NEGR1: variants seen among roughly 807,000 people sequenced by gnomAD.
The protein encoded by NEGR1 is IgLON family member 4.
A neutral mutation model predicts 40.9 loss-of-function variants in NEGR1; 10 were observed. That is an observed-to-expected ratio of 0.24 (90% confidence interval 0.15 to 0.42). NEGR1 has a LOEUF of 0.42. NEGR1 is among the 10% of genes least tolerant of loss of function. The pLI is 1.00. For missense variants in NEGR1, 352 were observed against 438.9 expected (o/e 0.80, Z 1.77); for synonymous variants, 185 against 166.8 (o/e 1.11, Z -0.84).
At chr1:71,442,226 CTTTTTTTTTTTTT>C (rs35594326) in intron 6 of NEGR1, among the ~76,000 whole-genome samples, 10 of 84,984 alleles carry the variant, frequency 1.2e-4, no homozygotes, top group Non-Finnish European at 2.0e-4. Context: ...GGTAGCATTC[CTTTTTTTTTTTTT>C]TTTTTTTTTT....
At position 72,040,220 on chromosome 1, in the gene NEGR1, G is replaced by A. The variant is rs2821280; in HGVS notation, c.177-104909C>T. Among the ~76,000 whole-genome samples the A allele has an allele frequency of 5.2e-3, 793 of 151,810 alleles. 5 individuals carry two copies. In the Middle Eastern group the frequency reaches 0.075, roughly 14 times the overall value. On this transcript the variant is annotated intron_variant, in intron 1 of 6. Coordinates refer to ENST00000357731, the MANE Select transcript of NEGR1 (RefSeq NM_173808.3). ...CAAAGCTTTGTCATAGTCTTCCCCC[G>A]AATCCCGCATCGTAACTTAAAGGTG...
intron 6 of NEGR1, among the ~76,000 whole-genome samples, chr1:71,446,617 G>C (rs1300249068): frequency 1.3e-5 from 2 of 152,140 alleles, no homozygotes; most frequent in Non-Finnish European, 2.9e-5. Context: ...GACAATATTA[G>C]ACTGTGTATG....
At chr1:71,634,435 G>C (rs922236881) in intron 4 of NEGR1, among the ~76,000 whole-genome samples, 2 of 152,058 alleles carry the variant, frequency 1.3e-5, no homozygotes, top group African/African-American at 4.8e-5. Context: ...CTGATGCTTT[G>C]AACTATACTG....
chr1:72,248,395 T>C lies in NEGR1; in HGVS notation c.176+33924A>G, dbSNP rs1421252623. On this transcript the variant is annotated intron_variant, in intron 1 of 6. Transcript: ENST00000357731. ...CCCTCAGCCTCCCGAGTAGCTAGGATTATTGGCGCTTGTCACCACGCCTGG... is the reference window on the plus strand; with the variant it reads ...CCCTCAGCCTCCCGAGTAGCTAGGACTATTGGCGCTTGTCACCACGCCTGG... Among the ~76,000 whole-genome samples, 3 of 151,770 alleles carry C rather than the reference T, an allele frequency of 2.0e-5. No homozygotes were observed. In the East Asian group the frequency reaches 5.9e-4, roughly 30 times the overall value.
intron 6 of NEGR1, among the ~76,000 whole-genome samples, chr1:71,476,632 G>T (rs1199011361): frequency 6.6e-6 from 1 of 152,092 alleles, no homozygotes; most frequent in African/African-American, 2.4e-5. Context: ...CCATTTAGGT[G>T]ACCAACTGTG....
intron 1 of NEGR1, among the ~76,000 whole-genome samples, chr1:72,203,044 CAA>C (rs1434852717): frequency 6.6e-6 from 1 of 151,970 alleles, no homozygotes; most frequent in African/African-American, 2.4e-5. Context: ...TGGAGATGTA[CAA>C]AGAGATTAAT....
chr1:71,424,162 TAATCAATTC>T (rs949025460), intron 6 of NEGR1, among the ~76,000 whole-genome samples: 58 of 152,208 alleles, frequency 3.8e-4, no homozygotes, highest in African/African-American at 1.3e-3. Flanking sequence ...TTTCCATGAT[TAATCAATTC>T]AATCAATTCA....
At chr1:72,054,237 G>A (rs571219008) in intron 1 of NEGR1, among the ~76,000 whole-genome samples, 1 of 151,402 alleles carries the variant, frequency 6.6e-6, no homozygotes, top group South Asian at 2.1e-4. Flanking sequence ...AGCATGCAGG[G>A]ACGCCCCTTA....
At chr1:71,686,261 C>T (rs775953699) in intron 4 of NEGR1, among the ~76,000 whole-genome samples, 11 of 152,028 alleles carry the variant, frequency 7.2e-5, no homozygotes, top group Non-Finnish European at 1.5e-4. Context: ...GGAGGCTGAA[C>T]TTTGGGAACA....
At chr1:71,531,115 G>A (rs928876942) in intron 6 of NEGR1, among the ~76,000 whole-genome samples, 1 of 151,124 alleles carries the variant, frequency 6.6e-6, no homozygotes, top group African/African-American at 2.4e-5. Flanking sequence ...TTTCTAAGAA[G>A]CCCAACCATG....
At chr1:72,159,575 T>C (rs1651480753) in intron 1 of NEGR1, among the ~76,000 whole-genome samples, 1 of 152,298 alleles carries the variant, frequency 6.6e-6, no homozygotes, top group Non-Finnish European at 1.5e-5. Context: ...ACATACCTAT[T>C]CTACACAAAT....
At chr1:71,660,877 T>C (rs1652031826) in intron 4 of NEGR1, among the ~76,000 whole-genome samples, 1 of 152,126 alleles carries the variant, frequency 6.6e-6, no homozygotes, top group African/African-American at 2.4e-5. Context: ...CAGGCCCCAG[T>C]GTGTGATGTT....
At chr1:72,174,881 T>A (rs553199836) in intron 1 of NEGR1, among the ~76,000 whole-genome samples, 1 of 152,270 alleles carries the variant, frequency 6.6e-6, no homozygotes, top group Admixed American at 6.5e-5. Flanking sequence ...AGTCAAGTGT[T>A]CACTCAGCTT....
intron 3 of NEGR1, among the ~76,000 whole-genome samples, chr1:71,717,394 A>C (rs1442383458): frequency 1.3e-5 from 2 of 152,110 alleles, no homozygotes; most frequent in Non-Finnish European, 1.5e-5. Flanking sequence ...TTTTGTTCTT[A>C]GTATTACTTT....
At chr1:71,898,602 G>A (rs1408082223) in intron 2 of NEGR1, among the ~76,000 whole-genome samples, 3 of 151,960 alleles carry the variant, frequency 2.0e-5, no homozygotes, top group Non-Finnish European at 2.9e-5. Flanking sequence ...GCGACAGAGC[G>A]AGACTCCGTC....
intron 2 of NEGR1, among the ~76,000 whole-genome samples, chr1:71,866,483 G>C (rs1441645479): frequency 6.6e-6 from 1 of 152,116 alleles, no homozygotes; most frequent in Non-Finnish European, 1.5e-5. Flanking sequence ...AAAGGCAATA[G>C]CTATTTTGAA....
intron 6 of NEGR1, among the ~76,000 whole-genome samples, chr1:71,483,593 G>A (rs570293545): frequency 6.6e-6 from 1 of 151,760 alleles, no homozygotes; most frequent in East Asian, 2.0e-4. Flanking sequence ...GTCATATGTG[G>A]CTCATAGGTT....
rs540330731 is a variant in NEGR1 at position 71,400,411 on chromosome 1, T to C, written c.*7035A>G. Reference sequence around the variant, plus strand: ...CTTACTGTTTTTGATATAAAATTCCTGTTATACCATGAATTAAATGCCCCT... The same window carrying C: ...CTTACTGTTTTTGATATAAAATTCCCGTTATACCATGAATTAAATGCCCCT... On this transcript the variant is annotated 3_prime_UTR_variant, in exon 7 of 7. Transcript: ENST00000357731. 1 of 152,238 alleles carries C rather than the reference T, an allele frequency of 6.6e-6. No homozygotes were observed. Among genetic ancestry groups the C allele is most frequent in the African/African-American group, 2.4e-5 (1 of 41,544 alleles). The allele number at this position is 152,238 out of a possible 1,614,324, so 9.4% of individuals were successfully genotyped here.
At chr1:72,114,734 GT>G (rs773301172) in intron 1 of NEGR1, among the ~76,000 whole-genome samples, 7 of 151,668 alleles carry the variant, frequency 4.6e-5, no homozygotes, top group Admixed American at 1.3e-4. Flanking sequence ...TTTATTTTTG[GT>G]TTTAAAGAAA....
Sources: gnomAD v4.1 joint callset for allele counts (sites outside exome capture counted in the v4.1 genomes callset) on GRCh38, gnomAD v4.1.1 for gene constraint, MANE v1.5 for transcripts, NCBI Gene and HGNC (gene_info 2026-07-23, HGNC 2026-07-21) for gene names.